The following WWOX variants were observed in gnomAD, a reference collection of about 807,000 sequenced individuals.
The protein encoded by WWOX is WW domain-containing oxidoreductase.
WWOX carries 69 observed loss-of-function variants against 46.2 expected under a neutral mutation model. The observed-to-expected ratio is 1.49, with a 90% CI of 1.23 to 1.82. WWOX has a LOEUF of 1.82. Ranked by LOEUF, WWOX falls within the 40% of genes most tolerant of loss-of-function variation. The pLI is 0.00. For missense variants in WWOX, 919 were observed against 542.6 expected, an observed-to-expected ratio of 1.69 and a Z score of -6.89; for synonymous variants, 359 against 202.6, an observed-to-expected ratio of 1.77 and a Z score of -6.56.
chr16:78,711,798 C>G (rs1357162338), intron 8 of WWOX, among the ~76,000 whole-genome samples: 1 of 152,088 alleles, frequency 6.6e-6, no homozygotes. Context: ...CTTCTCAAAG[C>G]CTCCTGCACA....
At chr16:79,010,778 G>C (rs531920763) in intron 8 of WWOX, among the ~76,000 whole-genome samples, 2 of 150,068 alleles carry the variant, frequency 1.3e-5, no homozygotes, top group East Asian at 4.0e-4. Flanking sequence ...TGCCAGCAGA[G>C]GGGAAACCAT....
At chr16:78,336,629 T>G (rs1375920039) in intron 5 of WWOX, among the ~76,000 whole-genome samples, 5 of 152,032 alleles carry the variant, frequency 3.3e-5, no homozygotes, top group African/African-American at 1.2e-4. Context: ...ATCTGTACTT[T>G]GGGAGGTAAG....
chr16:78,833,160 G>A (rs13338444), intron 8 of WWOX, among the ~76,000 whole-genome samples: 34,920 of 151,556 alleles, frequency 0.23, 4,226 homozygotes, highest in Middle Eastern at 0.35. Context: ...TCCAGCCTCT[G>A]CCTGCCAAGT....
intron 8 of WWOX, among the ~76,000 whole-genome samples, chr16:78,834,850 A>G (rs2051933214): frequency 6.6e-6 from 1 of 152,154 alleles, no homozygotes; most frequent in African/African-American, 2.4e-5. Context: ...GTTTTTCATG[A>G]TTGTTCGTAA....
At chr16:78,772,160 C>T (rs1034457046) in intron 8 of WWOX, among the ~76,000 whole-genome samples, 5 of 152,130 alleles carry the variant, frequency 3.3e-5, no homozygotes, top group African/African-American at 1.2e-4. Flanking sequence ...GCCTTGTATC[C>T]AATAGTTATT....
chr16:78,825,484 T>A (rs909360444), intron 8 of WWOX: 1 of 453,600 alleles, frequency 2.2e-6, no homozygotes, highest in African/African-American at 2.0e-5. Flanking sequence ...ATTCTGGAAT[T>A]GACTGCTGTA....
intron 5 of WWOX, among the ~76,000 whole-genome samples, chr16:78,314,377 G>A (rs1156845630): frequency 9.1e-6 from 1 of 110,328 alleles, no homozygotes; most frequent in Admixed American, 1.0e-4. Flanking sequence ...CTGCACTCCA[G>A]CCTGAGCAAC....
At chr16:78,616,081 C>G (rs900845673) in intron 8 of WWOX, among the ~76,000 whole-genome samples, 1 of 152,088 alleles carries the variant, frequency 6.6e-6, no homozygotes, top group Non-Finnish European at 1.5e-5. Context: ...ATAACATTAG[C>G]TATTCTTCTC....
chr16:78,710,358 T>G (rs1022475718), intron 8 of WWOX, among the ~76,000 whole-genome samples: 1 of 150,654 alleles, frequency 6.6e-6, no homozygotes, highest in African/African-American at 2.4e-5. Context: ...ATCCTTCCTT[T>G]TCCCAGTGCG....
At chr16:79,189,871 T>TA (rs2051097635) in intron 8 of WWOX, among the ~76,000 whole-genome samples, 1 of 137,700 alleles carries the variant, frequency 7.3e-6, no homozygotes, top group Admixed American at 7.8e-5. Context: ...TTTAACTCCT[T>TA]AAAAACTTCC....
intron 8 of WWOX, among the ~76,000 whole-genome samples, chr16:78,529,277 T>G (rs375081675): frequency 1.9e-4 from 29 of 152,174 alleles, no homozygotes; most frequent in African/African-American, 6.7e-4. Flanking sequence ...TTATATAGAT[T>G]TTAATTAAAA....
At chr16:78,925,403 G>GA (rs1389931645) in intron 8 of WWOX, among the ~76,000 whole-genome samples, 1 of 152,112 alleles carries the variant, frequency 6.6e-6, no homozygotes, top group Non-Finnish European at 1.5e-5. Context: ...CAGCTCTCAG[G>GA]CAAAATATGT....
intron 8 of WWOX, among the ~76,000 whole-genome samples, chr16:78,990,542 C>G (rs1177513033): frequency 2.3e-4 from 35 of 152,202 alleles, no homozygotes; most frequent in Admixed American, 6.5e-5. Flanking sequence ...GACAACAGCT[C>G]TTTGTTTACA....
At chr16:79,062,466 G>A (rs1048099776) in intron 8 of WWOX, among the ~76,000 whole-genome samples, 7 of 152,120 alleles carry the variant, frequency 4.6e-5, no homozygotes, top group African/African-American at 1.4e-4. Context: ...TCCCGGTGCC[G>A]TGCGGTGTAA....
In WWOX at chr16:78,640,928, G is replaced by C. The variant is rs141577623; in HGVS notation, c.1056+208176G>C. Among the ~76,000 whole-genome samples, 153 of 112,266 alleles carry C rather than the reference G, an allele frequency of 1.4e-3. 2 individuals are homozygous for C. The East Asian group carries it at 0.028, about 21-fold the overall frequency. The allele number at this position is 112,266 out of a possible 152,430, so 73.7% of individuals were successfully genotyped here. A position where few individuals can be genotyped will look rare whatever the true frequency, so the allele number is the denominator to read the frequency against. ...CACTCCAGTCTGGGTGACAGCGCGA[G>C]ATTCTGTCTTCAAAAAAAAAAAAAA... On this transcript the variant is annotated intron_variant, in intron 8 of 8. Coordinates refer to ENST00000566780, the MANE Select transcript of WWOX (RefSeq NM_016373.4).
intron 8 of WWOX, among the ~76,000 whole-genome samples, chr16:78,712,026 C>A (rs2048454861): frequency 6.6e-6 from 1 of 152,178 alleles, no homozygotes; most frequent in Admixed American, 6.5e-5. Flanking sequence ...TCCTCCCAAT[C>A]ATAGGGCGCC....
At chr16:79,074,647 A>C (rs1411823305) in intron 8 of WWOX, among the ~76,000 whole-genome samples, 1 of 151,870 alleles carries the variant, frequency 6.6e-6, no homozygotes, top group Non-Finnish European at 1.5e-5. Context: ...TGAGGATTAG[A>C]TGAGGTAATG....
intron 5 of WWOX, among the ~76,000 whole-genome samples, chr16:78,371,221 G>T (rs531630649): frequency 6.6e-6 from 1 of 152,204 alleles, no homozygotes; most frequent in African/African-American, 2.4e-5. Flanking sequence ...TGACATCACT[G>T]TACTAAAATT....
chr16:78,860,509 A>C lies in WWOX; in HGVS notation c.1057-351099A>C, dbSNP rs140521294. On this transcript the variant is annotated intron_variant, in intron 8 of 8. Coordinates refer to ENST00000566780, the MANE Select transcript of WWOX (RefSeq NM_016373.4). Reference sequence around the variant, plus strand: ...CTGACATTCAAAGAAAAAAGAAGGAAAAAATGGACCTCTTATCATGTGCCA... The same window carrying C: ...CTGACATTCAAAGAAAAAAGAAGGACAAAATGGACCTCTTATCATGTGCCA... Among the ~76,000 whole-genome samples the C allele has an allele frequency of 8.4e-3, 1,278 of 152,278 alleles. 47 individuals carry two copies. The highest frequency in any genetic ancestry group is 0.052 in the Admixed American group (794 of 15,290).
Sources: gnomAD v4.1 joint callset for allele counts (sites outside exome capture counted in the v4.1 genomes callset) on GRCh38, gnomAD v4.1.1 for gene constraint, MANE v1.5 for transcripts, NCBI Gene and HGNC (gene_info 2026-07-23, HGNC 2026-07-21) for gene names.